TC2N: variants seen among roughly 807,000 people sequenced by gnomAD.
The protein encoded by TC2N is tandem C2 domains nuclear protein.
A neutral mutation model predicts 61.9 loss-of-function variants in TC2N; 51 were observed. The observed-to-expected ratio is 0.82, with a 90% confidence interval of 0.66 to 1.04. The LOEUF (loss-of-function observed/expected upper bound fraction) is 1.04, where lower values mean the gene tolerates loss of function less well. Ranked by LOEUF, TC2N falls within the 50% of genes least tolerant of loss-of-function variation. The pLI, the probability that TC2N is intolerant of heterozygous loss-of-function variation, is 0.00. For missense variants in TC2N, 556 were observed against 566.7 expected, an observed-to-expected ratio of 0.98 and a Z score of 0.19; for synonymous variants, 204 against 192.6, an observed-to-expected ratio of 1.06 and a Z score of -0.49.
At chr14:91,852,089 A>G (rs1888386111) in intron 1 of TC2N, among the ~76,000 whole-genome samples, 1 of 152,206 alleles carries the variant, frequency 6.6e-6, no homozygotes, top group African/African-American at 2.4e-5. Context: ...TTAACATTGT[A>G]CTTGTGAAAA....
chr14:91,836,751 T>A (rs1888043120), intron 1 of TC2N, among the ~76,000 whole-genome samples: 1 of 152,028 alleles, frequency 6.6e-6, no homozygotes, highest in Non-Finnish European at 1.5e-5. Flanking sequence ...AGCCCCTTCC[T>A]GGGAAGGTGT....
chr14:91,856,486 CAAAAAA>C (rs3030738), intron 1 of TC2N, among the ~76,000 whole-genome samples: 2 of 117,014 alleles, frequency 1.7e-5, no homozygotes, highest in Non-Finnish European at 1.9e-5. Context: ...GACCTTGTCT[CAAAAAA>C]AAAAAAAAAA....
rs1232075184 is a variant in TC2N, at chr14:91,807,552, T to C, written c.301+4760A>G. Reference sequence around the variant, plus strand: ...TTGACTGCCCTGCTGGATTGTGGACTTGCATGGGGCCCTTAGCCCCTTCAT... The same window carrying C: ...TTGACTGCCCTGCTGGATTGTGGACCTGCATGGGGCCCTTAGCCCCTTCAT... On this transcript the variant is annotated intron_variant, in intron 3 of 11. Transcript: ENST00000435962. 1.3e-5 allele frequency among the ~76,000 whole-genome samples: 2 copies of C among 152,246 alleles called. 1 individual carries two copies. The highest frequency in any genetic ancestry group is 4.1e-4 in the South Asian group (2 of 4,832).
In TC2N at chr14:91,785,358, A is replaced by C; in HGVS notation, c.1166T>G (p.Phe389Cys). 6.2e-7 allele frequency: 1 copy of C among 1,611,920 alleles called. No individual in the cohort carries two copies. The highest frequency in any genetic ancestry group is 8.5e-7 in the Non-Finnish European group (1 of 1,178,886). ...PSSSTPLTLS[F>C]FVKVGMFSSG... ...GCTAAACATTCCCACCTTCACGAAA[A>C]AACCTAAAAAATTAGAAATATTGGT... Residue 389 changes from phenylalanine (F) to cysteine (C), a missense_variant, in exon 11 of 12, where the codon TTT (phenylalanine) becomes TGT (cysteine). Physicochemically the swap from Phe to Cys is radical, Grantham distance 205. Transcript: ENST00000435962.
chr14:91,836,510 TC>T (rs1888015090), intron 1 of TC2N: 1 of 106,556 alleles, frequency 9.4e-6, no homozygotes, highest in African/African-American at 3.2e-5. Context: ...TCCACTTCCC[TC>T]CCCGTACCCA....
chr14:91,829,842 CA>C (rs1887671681), intron 1 of TC2N, among the ~76,000 whole-genome samples: 1 of 152,066 alleles, frequency 6.6e-6, no homozygotes, highest in African/African-American at 2.4e-5. Flanking sequence ...ATTTGTTTAC[CA>C]GACCATTTTC....
At chr14:91,815,073 T>G (rs1292474153) in intron 1 of TC2N, among the ~76,000 whole-genome samples, 2 of 151,546 alleles carry the variant, frequency 1.3e-5, no homozygotes, top group African/African-American at 4.8e-5. Context: ...AAAAACAGAC[T>G]AGGAGAAATG....
At chr14:91,863,533 T>TG (rs1016738155) in intron 1 of TC2N, among the ~76,000 whole-genome samples, 15 of 152,022 alleles carry the variant, frequency 9.9e-5, no homozygotes, top group Non-Finnish European at 1.3e-4. Flanking sequence ...TAGCTTGAAG[T>TG]GGGGGGCTTA....
chr14:91,848,775 A>G (rs1888318130), intron 1 of TC2N, among the ~76,000 whole-genome samples: 1 of 152,206 alleles, frequency 6.6e-6, no homozygotes, highest in South Asian at 2.1e-4. Context: ...TCTTACTCCT[A>G]TCTTTTCCAA....
At chr14:91,855,714 G>T (rs1288282275) in intron 1 of TC2N, among the ~76,000 whole-genome samples, 1 of 152,202 alleles carries the variant, frequency 6.6e-6, no homozygotes, top group East Asian at 1.9e-4. Context: ...TTGTTTTTAT[G>T]GAAATTGAGT....
rs987813128 is a variant in TC2N, at chr14:91,862,349, A to T, written c.-57+4913T>A. ...AGTAAGACTCTGTCTCAAAAAAAAAAAAAAAAAAAGAAAGAGAAAAAGAAG... is the reference window on the plus strand; with the variant it reads ...AGTAAGACTCTGTCTCAAAAAAAAATAAAAAAAAAGAAAGAGAAAAAGAAG... On this transcript the variant is annotated intron_variant, in intron 1 of 11. Transcript: ENST00000435962. Among the ~76,000 whole-genome samples, 10 of 151,466 alleles carry T rather than the reference A, an allele frequency of 6.6e-5. No individual in the cohort carries two copies. The East Asian group carries it at 1.9e-3, about 29-fold the overall frequency.
chr14:91,853,660 AC>A, intron 1 of TC2N, among the ~76,000 whole-genome samples: 2 of 39,342 alleles, frequency 5.1e-5, no homozygotes, highest in African/African-American at 1.4e-4. Flanking sequence ...ACACACACAC[AC>A]ACACACACAC....
At chr14:91,793,244 T>C (rs995579847) in intron 8 of TC2N, among the ~76,000 whole-genome samples, 4 of 152,230 alleles carry the variant, frequency 2.6e-5, no homozygotes, top group African/African-American at 9.6e-5. Flanking sequence ...ATCGTTGGCT[T>C]ACTATGGGCT....
intron 1 of TC2N, among the ~76,000 whole-genome samples, chr14:91,822,729 T>C (rs1165075591): frequency 6.7e-6 from 1 of 150,344 alleles, no homozygotes; most frequent in East Asian, 1.9e-4. Flanking sequence ...TTTTTTTTTT[T>C]TTTGAGACAG....
chr14:91,809,890 G>A (rs1180481678), intron 3 of TC2N, among the ~76,000 whole-genome samples: 1 of 152,158 alleles, frequency 6.6e-6, no homozygotes, highest in African/African-American at 2.4e-5. Flanking sequence ...CAGTTTACTT[G>A]TCTGGTAGGA....
intron 1 of TC2N, among the ~76,000 whole-genome samples, chr14:91,820,572 C>T (rs117116501): frequency 0.014 from 2,110 of 151,898 alleles, 25 homozygotes; most frequent in Non-Finnish European, 0.02. Flanking sequence ...TCTACTCTCT[C>T]TACCTTTATT....
chr14:91,816,991 T>C (rs1464607254), intron 1 of TC2N, among the ~76,000 whole-genome samples: 1 of 151,976 alleles, frequency 6.6e-6, no homozygotes, highest in Admixed American at 6.6e-5. Context: ...TCTTAGCTAT[T>C]CTTGCTTGTC....
intron 1 of TC2N, among the ~76,000 whole-genome samples, chr14:91,816,101 T>C (rs1001568086): frequency 6.6e-6 from 1 of 151,822 alleles, no homozygotes; most frequent in East Asian, 1.9e-4. Context: ...TGCACACATA[T>C]TTCTCAGATA....
chr14:91,854,416 A>G (rs1192711090), intron 1 of TC2N, among the ~76,000 whole-genome samples: 1 of 90,822 alleles, frequency 1.1e-5, no homozygotes, highest in African/African-American at 4.3e-5. Flanking sequence ...GAGGAGGAGG[A>G]GGGGGAGGGG....
Sources: gnomAD v4.1 joint callset for allele counts (sites outside exome capture counted in the v4.1 genomes callset) on GRCh38, gnomAD v4.1.1 for gene constraint, MANE v1.5 for transcripts, NCBI Gene and HGNC (gene_info 2026-07-23, HGNC 2026-07-21) for gene names.